MEGF11: variants seen among roughly 807,000 people sequenced by gnomAD.
The protein encoded by MEGF11 is multiple epidermal growth factor-like domains protein 11.
A neutral mutation model predicts 146.6 loss-of-function variants in MEGF11; 126 were observed. The ratio of observed to expected loss-of-function variants is 0.86; its 90% CI spans 0.74 to 1.00. MEGF11 has a LOEUF of 1.00. Among genes scored for constraint, MEGF11 ranks in the 50% least tolerant of loss-of-function variants. The pLI is 0.00. For missense variants in MEGF11, 1,509 were observed against 1,521.2 expected, an observed-to-expected ratio of 0.99 and a Z score of 0.13; for synonymous variants, 532 against 583.4, an observed-to-expected ratio of 0.91 and a Z score of 1.27.
chr15:65,985,048 T>C (rs11071855), intron 5 of MEGF11, among the ~76,000 whole-genome samples: 28,838 of 152,074 alleles, frequency 0.19, 2,940 homozygotes, highest in Non-Finnish European at 0.23. Flanking sequence ...GGATTACAAG[T>C]GTGAGCCACC....
At chr15:65,925,157 A>C (rs2079328508) in intron 13 of MEGF11, among the ~76,000 whole-genome samples, 1 of 152,218 alleles carries the variant, frequency 6.6e-6, no homozygotes, top group Non-Finnish European at 1.5e-5. Context: ...TGTATGTGAA[A>C]GCACCACTGA....
At chr15:65,934,660 G>A (rs942704356) in intron 10 of MEGF11, among the ~76,000 whole-genome samples, 6 of 152,208 alleles carry the variant, frequency 3.9e-5, no homozygotes, top group Non-Finnish European at 7.3e-5. Flanking sequence ...AGCCCCACCC[G>A]CTGAAGGGGG....
intron 1 of MEGF11, among the ~76,000 whole-genome samples, chr15:66,155,174 C>T (rs972895942): frequency 3.3e-5 from 5 of 152,360 alleles, no homozygotes; most frequent in Admixed American, 2.0e-4. Flanking sequence ...TCAGTTCTGG[C>T]TGTCCTGGCT....
chr15:66,242,438 AAAG>A (rs1403197893), intron 1 of MEGF11, among the ~76,000 whole-genome samples: 2 of 147,032 alleles, frequency 1.4e-5, no homozygotes, highest in East Asian at 2.0e-4. Flanking sequence ...AAAGAAAGAA[AAAG>A]AAGAAGAAAG....
intron 10 of MEGF11, among the ~76,000 whole-genome samples, chr15:65,948,312 T>G (rs1381993883): frequency 6.6e-6 from 1 of 152,004 alleles, no homozygotes; most frequent in African/African-American, 2.4e-5. Flanking sequence ...CTTTCTGACC[T>G]TGTTTTTTTT....
At chr15:66,232,606 C>A (rs530928296) in intron 1 of MEGF11, among the ~76,000 whole-genome samples, 2 of 152,184 alleles carry the variant, frequency 1.3e-5, no homozygotes, top group African/African-American at 4.8e-5. Context: ...ACTCCAGAAC[C>A]TTAGGGTCTG....
intron 1 of MEGF11, among the ~76,000 whole-genome samples, chr15:66,252,354 C>T: frequency 6.6e-6 from 1 of 152,192 alleles, no homozygotes; most frequent in East Asian, 1.9e-4. Flanking sequence ...GAGCCCAAAC[C>T]ATCCCAAAGG....
chr15:66,036,218 G>A (rs1008755099), intron 5 of MEGF11, among the ~76,000 whole-genome samples: 1 of 152,178 alleles, frequency 6.6e-6, no homozygotes, highest in Non-Finnish European at 1.5e-5. Flanking sequence ...TTCTTCGGAG[G>A]GACTCCAGCT....
At chr15:66,237,278 G>C (rs1300095133) in intron 1 of MEGF11, among the ~76,000 whole-genome samples, 1 of 152,088 alleles carries the variant, frequency 6.6e-6, no homozygotes, top group Non-Finnish European at 1.5e-5. Flanking sequence ...GAGAAGGTGT[G>C]TGCCTGATGA....
At chr15:66,149,607 C>T (rs991508729) in intron 1 of MEGF11, among the ~76,000 whole-genome samples, 5 of 152,182 alleles carry the variant, frequency 3.3e-5, no homozygotes, top group African/African-American at 1.2e-4. Context: ...TCTCCATCAG[C>T]ATCACGCAGA....
At chr15:66,003,121 G>A (rs573009326) in intron 5 of MEGF11, among the ~76,000 whole-genome samples, 22 of 152,122 alleles carry the variant, frequency 1.4e-4, no homozygotes, top group African/African-American at 5.1e-4. Flanking sequence ...AGCCTTCTGA[G>A]TTGCTGGGAT....
intron 1 of MEGF11, among the ~76,000 whole-genome samples, chr15:66,177,043 G>A (rs556818242): frequency 8.0e-4 from 122 of 152,338 alleles, no homozygotes; most frequent in African/African-American, 2.8e-3. Context: ...TTGGGTGGGC[G>A]TAGAGGAGAA....
intron 5 of MEGF11, among the ~76,000 whole-genome samples, chr15:66,022,733 G>T (rs2083192408): frequency 6.6e-6 from 1 of 152,008 alleles, no homozygotes; most frequent in South Asian, 2.1e-4. Flanking sequence ...AGGAGGCTGA[G>T]GTGGGAGCAT....
At chr15:66,111,451 A>G (rs1448115888) in intron 4 of MEGF11, among the ~76,000 whole-genome samples, 2 of 152,228 alleles carry the variant, frequency 1.3e-5, no homozygotes, top group African/African-American at 4.8e-5. Flanking sequence ...CTCTAAGGAG[A>G]GCACGGTAAA....
chr15:66,095,437 T>C (rs1402559335), intron 4 of MEGF11, among the ~76,000 whole-genome samples: 3 of 152,096 alleles, frequency 2.0e-5, no homozygotes, highest in Admixed American at 2.0e-4. Context: ...ATCTAGATGG[T>C]TTTTTGTTTT....
At chr15:66,082,484 T>G (rs1487204906) in intron 5 of MEGF11, among the ~76,000 whole-genome samples, 1 of 126,002 alleles carries the variant, frequency 7.9e-6, no homozygotes, top group Non-Finnish European at 1.6e-5. Flanking sequence ...TATCTATCTA[T>G]CTATCTATCT....
At chr15:65,951,564 G>A (rs1347073818) in intron 10 of MEGF11, among the ~76,000 whole-genome samples, 4 of 152,146 alleles carry the variant, frequency 2.6e-5, no homozygotes, top group Non-Finnish European at 4.4e-5. Flanking sequence ...GCACATGCCT[G>A]TAATCCCAGC....
intron 1 of MEGF11, among the ~76,000 whole-genome samples, chr15:66,206,069 A>G (rs2091291379): frequency 6.6e-6 from 1 of 152,360 alleles, no homozygotes; most frequent in South Asian, 2.1e-4. Flanking sequence ...AAACAAATGA[A>G]CGAAACAAAA....
chr15:66,228,989 C>T (rs1173227296), intron 1 of MEGF11, among the ~76,000 whole-genome samples: 1 of 152,108 alleles, frequency 6.6e-6, no homozygotes, highest in Non-Finnish European at 1.5e-5. Context: ...AACTGCTCCC[C>T]ACTGGTGCTA....
Sources: allele counts gnomAD v4.1 joint callset (sites outside exome capture counted in the v4.1 genomes callset), GRCh38; gene constraint gnomAD v4.1.1; transcripts MANE v1.5; gene names NCBI Gene and HGNC (gene_info 2026-07-23, HGNC 2026-07-21).